The following OLFM2 variants were observed in gnomAD, a reference collection of about 807,000 sequenced individuals.
OLFM2 encodes the protein olfactomedin 2.
In OLFM2, 20 loss-of-function variants were observed where a neutral mutation model predicts 43.9. The observed-to-expected ratio is 0.46, with a 90% CI of 0.32 to 0.66. The LOEUF (loss-of-function observed/expected upper bound fraction) is 0.66. Ranked by LOEUF, OLFM2 falls within the 30% of genes least tolerant of loss-of-function variation. The pLI is 0.04. For synonymous variants in OLFM2, 268 were observed against 278.6 expected (o/e 0.96, Z 0.38); for missense variants, 416 against 643.6 (o/e 0.65, Z 3.83).
At chr19:9,904,772 C>G (rs143658349) in intron 1 of OLFM2, among the ~76,000 whole-genome samples, 5 of 152,034 alleles carry the variant, frequency 3.3e-5, no homozygotes, top group Non-Finnish European at 7.4e-5. Flanking sequence ...GTAATCCCAA[C>G]ACTCCGGGAG....
Position 9,874,173 on chromosome 19 carries a change from C to G in OLFM2, c.64-13379G>C, listed in dbSNP as rs534226665. On this transcript the variant is annotated intron_variant, in intron 1 of 5. Coordinates refer to ENST00000264833, the MANE Select transcript of OLFM2 (RefSeq NM_058164.4). The stretch of plus-strand genomic sequence containing the variant: ...CAGTTTTCCCACTTGAGTGCTTTTT[C>G]TGTTCCAGAATCTAATGCAGGATCC... Among the ~76,000 whole-genome samples the G allele has an allele frequency of 7.2e-5, 11 of 152,214 alleles. No individual in the cohort carries two copies. In the South Asian group the frequency reaches 2.3e-3, roughly 32 times the overall value.
intron 1 of OLFM2, among the ~76,000 whole-genome samples, chr19:9,900,051 A>T (rs557969377): frequency 6.6e-6 from 1 of 152,238 alleles, no homozygotes; most frequent in South Asian, 2.1e-4. Context: ...CAAATGAGCG[A>T]ATCATGGCTT....
intron 1 of OLFM2, among the ~76,000 whole-genome samples, chr19:9,874,533 T>G (rs1217517004): frequency 6.6e-6 from 1 of 152,050 alleles, no homozygotes; most frequent in African/African-American, 2.4e-5. Flanking sequence ...CAGGCTGGGG[T>G]GCAGTGGAGC....
At position 9,858,998 on chromosome 19, in the gene OLFM2, G is replaced by C. The variant is rs116565994; in HGVS notation, c.214-1137C>G. ...CTAAGGTAGACCTTTACCTGGCTAA[G>C]GTAGACTCTCACCTGGCTAAGGTAG... On this transcript the variant is annotated intron_variant, in intron 2 of 5. Transcript: ENST00000264833. Among the ~76,000 whole-genome samples the C allele has an allele frequency of 3.2e-3, 484 of 151,882 alleles. 2 individuals carry two copies. The highest frequency in any genetic ancestry group is 0.014 in the Middle Eastern group (4 of 294).
chr19:9,858,701 G>C (rs1003753733), intron 2 of OLFM2, among the ~76,000 whole-genome samples: 1 of 152,176 alleles, frequency 6.6e-6, no homozygotes, highest in Non-Finnish European at 1.5e-5. Flanking sequence ...ACCTGGCTAC[G>C]GTGAACTCCA....
At position 9,857,330 on chromosome 19, in the gene OLFM2, C is replaced by A; in HGVS notation, c.513G>T (p.Gly171=). 6.2e-7 allele frequency: 1 copy of A among 1,614,170 alleles called. No individual in the cohort carries two copies. Among genetic ancestry groups the A allele is most frequent in the Non-Finnish European group, 8.5e-7 (1 of 1,180,026 alleles). Residue 171 remains glycine (G), a synonymous_variant, in exon 4 of 6, where the codon GGG becomes GGT. Transcript: ENST00000264833. The surrounding 1 kb of genome is among the most constrained non-coding windows in gnomAD (Gnocchi z 5.7). ...AAIQEEMGAY[G]YEDLQQRVMA... ...TCACCCGTTGCTGCAGGTCCTCATA[C>A]CCGTAGGCACCCATCTCCTCCTGAA...
chr19:9,900,988 A>AAGGAAGGGAGGG (rs1401980050), intron 1 of OLFM2, among the ~76,000 whole-genome samples: 17 of 28,386 alleles, frequency 6.0e-4, no homozygotes, highest in African/African-American at 1.9e-3. Flanking sequence ...GGAAGGAAGG[A>AAGGAAGGGAGGG]AGGGAGGGAG....
At position 9,854,407 on chromosome 19, in the gene OLFM2, C is replaced by T. The variant is rs148943256; in HGVS notation, c.1144G>A (p.Val382Met). ...EAFMICGVLY[V>M]TNSHLAGAKV... ...GCCCCAGCCAGGTGGGAGTTGGTCA[C>T]GTAGAGCACACCGCAGATCATGAAG... The change falls in exon 6 of 6, where the codon GTG becomes ATG. Residue 382 changes from valine to methionine, a missense_variant. By Grantham distance (21) the Val-to-Met change is conservative (BLOSUM62 1). Transcript: ENST00000264833. This position sits in a 1 kb window ranked among gnomAD's most constrained non-coding sequence, Gnocchi z 9.5. 31 of 1,614,194 alleles carry T rather than the reference C, an allele frequency of 1.9e-5. No individual in the cohort carries two copies. Among genetic ancestry groups the T allele is most frequent in the East Asian group, 4.5e-5 (2 of 44,878 alleles).
intron 1 of OLFM2, among the ~76,000 whole-genome samples, chr19:9,870,994 G>A (rs1024929137): frequency 2.0e-5 from 3 of 152,114 alleles, no homozygotes; most frequent in Non-Finnish European, 4.4e-5. Context: ...ACCAGACCGG[G>A]CCCAGTGGCT....
At chr19:9,878,601 G>C (rs2046512577) in intron 1 of OLFM2, among the ~76,000 whole-genome samples, 1 of 152,014 alleles carries the variant, frequency 6.6e-6, no homozygotes, top group African/African-American at 2.4e-5. Context: ...AGATGACCCT[G>C]TCGGCATTTT....
At chr19:9,867,375 AAAC>A (rs994333226) in intron 1 of OLFM2, among the ~76,000 whole-genome samples, 3 of 152,208 alleles carry the variant, frequency 2.0e-5, no homozygotes, top group African/African-American at 4.8e-5. Context: ...CGTCTCAAAA[AAAC>A]AACAATAACA....
chr19:9,919,487 T>A (rs2086406672), intron 1 of OLFM2, among the ~76,000 whole-genome samples: 1 of 150,218 alleles, frequency 6.7e-6, no homozygotes, highest in Admixed American at 6.7e-5. Flanking sequence ...TTCTTCCTAT[T>A]CATTTATTTA....
At chr19:9,914,544 G>A (rs2046859784) in intron 1 of OLFM2, among the ~76,000 whole-genome samples, 1 of 151,862 alleles carries the variant, frequency 6.6e-6, no homozygotes, top group Admixed American at 6.6e-5. Flanking sequence ...CCTACCCAGG[G>A]ACCACGGAGA....
At chr19:9,899,119 G>C (rs564580139) in intron 1 of OLFM2, among the ~76,000 whole-genome samples, 10 of 152,084 alleles carry the variant, frequency 6.6e-5, no homozygotes, top group Non-Finnish European at 1.2e-4. Flanking sequence ...ACAAAAATTA[G>C]ACAGGCGTGG....
intron 1 of OLFM2, among the ~76,000 whole-genome samples, chr19:9,888,590 C>T (rs2046609875): frequency 6.6e-6 from 1 of 151,942 alleles, no homozygotes; most frequent in Non-Finnish European, 1.5e-5. Context: ...CCCCAGCACC[C>T]CCCATCCACT....
At chr19:9,922,944 A>G (rs536146451) in intron 1 of OLFM2, among the ~76,000 whole-genome samples, 1 of 151,956 alleles carries the variant, frequency 6.6e-6, no homozygotes, top group East Asian at 1.9e-4. Context: ...AAAAGAAAAG[A>G]AAAGAAAAAG....
At chr19:9,881,910 A>G (rs1414053067) in intron 1 of OLFM2, among the ~76,000 whole-genome samples, 2 of 152,128 alleles carry the variant, frequency 1.3e-5, no homozygotes, top group African/African-American at 2.4e-5. Context: ...ATACAGTCAC[A>G]TTCATTGTGA....
chr19:9,905,179 C>T (rs922026430), intron 1 of OLFM2, among the ~76,000 whole-genome samples: 3 of 151,936 alleles, frequency 2.0e-5, no homozygotes, highest in South Asian at 2.1e-4. Flanking sequence ...AAAAAAAGAC[C>T]GGGTGCGGTG....
chr19:9,884,413 C>CA (rs1197093610), intron 1 of OLFM2, among the ~76,000 whole-genome samples: 2 of 151,692 alleles, frequency 1.3e-5, no homozygotes, highest in Non-Finnish European at 2.9e-5. Flanking sequence ...CCATCTCTAC[C>CA]AAAAATATAT....
Sources: allele counts gnomAD v4.1 joint callset (sites outside exome capture counted in the v4.1 genomes callset), GRCh38; gene constraint gnomAD v4.1.1; non-coding constraint Gnocchi (gnomAD v3.1); transcripts MANE v1.5; gene names NCBI Gene and HGNC (gene_info 2026-07-23, HGNC 2026-07-21).